The following DSG4 variants were observed in gnomAD, a reference collection of about 807,000 sequenced individuals.
The protein encoded by DSG4 is desmoglein-4.
In DSG4, 87 loss-of-function variants were observed where a neutral mutation model predicts 93.1. The ratio of observed to expected loss-of-function variants is 0.93; its 90% CI spans 0.79 to 1.12. The LOEUF is 1.12. Among genes scored for constraint, DSG4 ranks in the 50% most tolerant of loss-of-function variants. The pLI, the probability that DSG4 is intolerant of heterozygous loss-of-function variation, is 0.00. For missense variants in DSG4, 1,373 were observed against 1,285.7 expected (o/e 1.07, Z -1.04); for synonymous variants, 432 against 452.9 (o/e 0.95, Z 0.59).
chr18:31,377,033 A>G (rs1343338941), intron 1 of DSG4, 74 bp downstream of exon 1: 1 of 1,496,382 alleles, frequency 6.7e-7, no homozygotes. Flanking sequence ...CGGGCTTTCT[A>G]CATGGGATTT....
At chr18:31,384,016 G>T (rs910679548) in intron 1 of DSG4, among the ~76,000 whole-genome samples, 1 of 152,030 alleles carries the variant, frequency 6.6e-6, no homozygotes, top group Non-Finnish European at 1.5e-5. Context: ...TAAGTTTTAA[G>T]AATTTAATGA....
chr18:31,388,321 T>G (rs773279734), intron 3 of DSG4, 46 bp from the exon 4 acceptor site: 1 of 1,607,160 alleles, frequency 6.2e-7, no homozygotes, highest in South Asian at 1.1e-5. Flanking sequence ...CTCTTAAGCA[T>G]TATCTGCTCT....
At chr18:31,406,926 C>T (rs1007083884) in intron 12 of DSG4, among the ~76,000 whole-genome samples, 1 of 151,960 alleles carries the variant, frequency 6.6e-6, no homozygotes, top group African/African-American at 2.4e-5. Flanking sequence ...TACAGGCGCC[C>T]ACCACCACGA....
intron 1 of DSG4, among the ~76,000 whole-genome samples, chr18:31,378,672 T>A (rs1176389911): frequency 6.6e-6 from 1 of 152,176 alleles, no homozygotes; most frequent in African/African-American, 2.4e-5. Flanking sequence ...TTCACGGTAA[T>A]TGTGAAAAAG....
In DSG4 at chr18:31,384,997, T is replaced by C. The variant is rs2144165984; in HGVS notation, c.49-139T>C. On this transcript the variant is annotated intron_variant, in intron 1 of 15. Coordinates refer to ENST00000308128, the MANE Select transcript of DSG4 (RefSeq NM_177986.5). ...CAAAAAGTCTATTATTCATTTGTGT[T>C]AGCCATGTTTATTTCACATCATCAA... 1.4e-5 allele frequency: 11 copies of C among 769,762 alleles called. No homozygotes were observed. In the South Asian group the frequency reaches 1.8e-4, roughly 12 times the overall value. 47.7% of individuals were successfully genotyped at this position (769,762 alleles called of 1,614,324 possible). A position where few individuals can be genotyped will look rare whatever the true frequency, so the allele number is the denominator to read the frequency against.
chr18:31,411,001 T>A, intron 14 of DSG4: 1 of 1,276,518 alleles, frequency 7.8e-7, no homozygotes, highest in Non-Finnish European at 1.1e-6. Flanking sequence ...TCTGTGCAAA[T>A]GTGGGAAGGC....
rs1270754887 is a variant in DSG4, at chr18:31,407,237, A to G, written c.1933+864A>G. Among the ~76,000 whole-genome samples the G allele has an allele frequency of 2.0e-5, 3 of 152,204 alleles. No homozygotes were observed. In the East Asian group the frequency reaches 5.8e-4, roughly 29 times the overall value. On this transcript the variant is annotated intron_variant, in intron 12 of 15. Transcript: ENST00000308128. ...GGCAAAAGGGAGTCTGGGAGCCAGC[A>G]TGGAGGCATGTTCATGACACACCAG...
rs1217193545 is a variant in DSG4 at position 31,412,938 on chromosome 18, T to C, written c.2466T>C (p.Ser822=). ...CCGTAGGCTCTATTGGTTGTTGCAG[T>C]TGGATTGTGGATGACTTAGATGAAA... is the stretch of plus-strand genomic sequence containing the variant. ...GSPVGSIGCC[S]WIVDDLDESC... The change falls in exon 16 of 16, where the codon AGT becomes AGC. Residue 822 remains serine, a synonymous_variant. Coordinates refer to ENST00000308128, the MANE Select transcript of DSG4 (RefSeq NM_177986.5). The C allele has an allele frequency of 1.9e-6, 3 of 1,614,150 alleles. No homozygotes were observed. The highest frequency in any genetic ancestry group is 1.7e-5 in the Admixed American group (1 of 60,012).
chr18:31,381,367 G>A (rs112600021), intron 1 of DSG4, among the ~76,000 whole-genome samples: 5 of 151,544 alleles, frequency 3.3e-5, no homozygotes, highest in African/African-American at 1.2e-4. Context: ...GTCTCGAAAG[G>A]TAAATTTTGC....
chr18:31,401,941 G>A (rs1238242041), intron 10 of DSG4, among the ~76,000 whole-genome samples: 2 of 152,114 alleles, frequency 1.3e-5, no homozygotes, highest in African/African-American at 2.4e-5. Flanking sequence ...ATCCTGTGGC[G>A]GGTAAATTTT....
At position 31,409,746 on chromosome 18, in the gene DSG4, A is replaced by G. The variant is rs779075608; in HGVS notation, c.2075A>G (p.Asp692Gly). 2.5e-6 allele frequency: 4 copies of G among 1,614,040 alleles called. No homozygotes were observed. The highest frequency in any genetic ancestry group is 1.7e-6 in the Non-Finnish European group (2 of 1,180,038). The change falls in exon 14 of 16, where the codon GAT becomes GGT. Residue 692 changes from aspartate to glycine, a missense_variant and splice_region_variant. Physicochemically the swap from Asp to Gly is moderately conservative, Grantham distance 94 (BLOSUM62 -1). Coordinates refer to ENST00000308128, the MANE Select transcript of DSG4 (RefSeq NM_177986.5). ...RIEGAHPEDR[D>G]VSNICAPMTA... is the part of the protein sequence containing the mutation. ...TAAAATGTTTATTTTTCTTTTCAGGATGTGTCAAATATATGTGCACCCATG... is the reference window on the plus strand; with the variant it reads ...TAAAATGTTTATTTTTCTTTTCAGGGTGTGTCAAATATATGTGCACCCATG...
At chr18:31,396,689 T>C (rs1312047647) in intron 8 of DSG4, among the ~76,000 whole-genome samples, 2 of 152,044 alleles carry the variant, frequency 1.3e-5, no homozygotes, top group Admixed American at 6.6e-5. Context: ...TGAAACAAAA[T>C]TGAAGAAGAC....
At chr18:31,403,302 C>G (rs1373330121) in intron 10 of DSG4, 114 bp from the exon 11 acceptor site, 2 of 900,474 alleles carry the variant, frequency 2.2e-6, no homozygotes, top group African/African-American at 3.3e-5. Context: ...CCTGTCAAGC[C>G]TCCCAAGTCA....
chr18:31,386,811 A>C lies in DSG4; in HGVS notation c.208A>C (p.Ile70Leu). The C allele has an allele frequency of 6.2e-7, 1 of 1,613,244 alleles. No individual in the cohort carries two copies. The highest frequency in any genetic ancestry group is 8.5e-7 in the Non-Finnish European group (1 of 1,179,312). ...AGAGGACAACTCGAAGAGGAACCCC[A>C]TTGCCAAAGTAAGTGATGAAGCAAT... ...EGEDNSKRNP[I>L]AKIRSDCESN... Residue 70 changes from isoleucine to leucine, a missense_variant, in exon 3 of 16, where the codon ATT becomes CTT. Physicochemically the swap from Ile to Leu is conservative, Grantham distance 5. Transcript: ENST00000308128.
intron 15 of DSG4, 40 bp from the exon 16 acceptor site, chr18:31,412,788 A>G: frequency 6.2e-7 from 1 of 1,610,558 alleles, no homozygotes; most frequent in Non-Finnish European, 8.5e-7. Flanking sequence ...TATTTTAGGG[A>G]AAAAGAAATT....
rs111736811 is a variant in DSG4 at position 31,409,389 on chromosome 18, C to G, written c.1934-63C>G. ...CCACCAAATGCTCCCCAGAATGATT[C>G]ATCCAGTGACTTCCTAAACCGAGCA... On this transcript the variant is annotated intron_variant, in intron 12 of 15. Coordinates refer to ENST00000308128, the MANE Select transcript of DSG4 (RefSeq NM_177986.5). The G allele has an allele frequency of 6.8e-6, 11 of 1,611,282 alleles. No homozygotes were observed. The African/African-American group carries it at 1.1e-4, about 16-fold the overall frequency.
rs539084344 is a variant in DSG4, at chr18:31,394,102, A to G, written c.1005+1762A>G. Among the ~76,000 whole-genome samples, 95 of 152,290 alleles carry G rather than the reference A, an allele frequency of 6.2e-4. No individual in the cohort carries two copies. In the South Asian group the frequency reaches 0.016, roughly 26 times the overall value. The stretch of plus-strand genomic sequence containing the variant: ...TAGTTTTATTGGAATACAACCACAT[A>G]CATTCATTTACGTATTTTCTGTGGC... On this transcript the variant is annotated intron_variant, in intron 8 of 15. Coordinates refer to ENST00000308128, the MANE Select transcript of DSG4 (RefSeq NM_177986.5).
Position 31,413,224 on chromosome 18 carries a change from G to A in DSG4, c.2752G>A (p.Val918Met), listed in dbSNP as rs776052549. 1.1e-5 allele frequency: 17 copies of A among 1,614,036 alleles called. No individual in the cohort carries two copies. Among genetic ancestry groups the A allele is most frequent in the Non-Finnish European group, 1.4e-5 (16 of 1,180,050 alleles). Residue 918 changes from valine (V) to methionine (M), a missense_variant, in exon 16 of 16, where the codon GTG becomes ATG. Val to Met is a conservative substitution (Grantham distance 21). Transcript: ENST00000308128. ...GACTTACGGTAATGCTGATCCATGT[G>A]TGCAACCCACTACAATTATTTTTGA... is the stretch of plus-strand genomic sequence containing the variant. ...TETYGNADPCVQPTTIIFDPQ... is the reference protein window; with the variant it reads ...TETYGNADPCMQPTTIIFDPQ...
chr18:31,397,193 C>T (rs2072315077), intron 8 of DSG4, among the ~76,000 whole-genome samples: 1 of 152,152 alleles, frequency 6.6e-6, no homozygotes, highest in South Asian at 2.1e-4. Flanking sequence ...TTTACAGCAG[C>T]CAAAAGCCTG....
Sources: allele counts gnomAD v4.1 joint callset (sites outside exome capture counted in the v4.1 genomes callset), GRCh38; gene constraint gnomAD v4.1.1; transcripts MANE v1.5; gene names NCBI Gene and HGNC (gene_info 2026-07-23, HGNC 2026-07-21).